Variants in SV2C observed in about 807,000 individuals in gnomAD.
SV2C encodes the protein solute carrier family 22 member B3.
A neutral mutation model predicts 79.7 loss-of-function variants in SV2C; 49 were observed. The ratio of observed to expected loss-of-function variants is 0.61; its 90% CI spans 0.49 to 0.78. The LOEUF (loss-of-function observed/expected upper bound fraction) is 0.78, where lower values mean the gene tolerates loss of function less well. SV2C is among the 30% of genes least tolerant of loss of function. SV2C has a pLI of 0.00. For synonymous variants in SV2C, 334 were observed against 333.2 expected, an observed-to-expected ratio of 1.00 and a Z score of -0.03; for missense variants, 833 against 912.9, an observed-to-expected ratio of 0.91 and a Z score of 1.13.
At chr5:76,317,602 G>A (rs1748671246) in intron 12 of SV2C, among the ~76,000 whole-genome samples, 1 of 152,134 alleles carries the variant, frequency 6.6e-6, no homozygotes, top group Non-Finnish European at 1.5e-5. Context: ...GGCCGAGGTG[G>A]GAGAATCACT....
At chr5:76,260,014 G>T (rs1746410876) in intron 4 of SV2C, among the ~76,000 whole-genome samples, 2 of 152,220 alleles carry the variant, frequency 1.3e-5, no homozygotes, top group East Asian at 3.9e-4. Context: ...TTCTTGGGAA[G>T]TTGCCACACT....
chr5:76,067,277 G>T, the SV2C span, among the ~76,000 whole-genome samples: 1 of 150,904 alleles, frequency 6.6e-6, no homozygotes, highest in South Asian at 2.1e-4. Context: ...TTTGTGTTTT[G>T]TGTGGTAAGA....
chr5:76,021,235 G>C, the SV2C span, among the ~76,000 whole-genome samples: 1 of 152,148 alleles, frequency 6.6e-6, no homozygotes, highest in East Asian at 1.9e-4. Context: ...AATAATGCAA[G>C]TTATGTTAAC....
intron 4 of SV2C, among the ~76,000 whole-genome samples, chr5:76,218,299 T>C (rs1260507479): frequency 2.0e-5 from 3 of 152,170 alleles, no homozygotes; most frequent in African/African-American, 4.8e-5. Flanking sequence ...TAAAGACACA[T>C]GCACATGTAT....
the SV2C span, among the ~76,000 whole-genome samples, chr5:76,070,118 C>T: frequency 6.6e-6 from 1 of 152,118 alleles, no homozygotes; most frequent in African/African-American, 2.4e-5. Context: ...TCCAGGGCCC[C>T]AGCCCACACC....
the SV2C span, among the ~76,000 whole-genome samples, chr5:75,942,122 A>G: frequency 1.7e-4 from 26 of 152,326 alleles, 1 homozygote; most frequent in Middle Eastern, 0.01. Context: ...CAGGAGGGTG[A>G]ACAAGAACTT....
At chr5:76,037,562 G>T in the SV2C span, among the ~76,000 whole-genome samples, 1 of 152,182 alleles carries the variant, frequency 6.6e-6, no homozygotes, top group East Asian at 1.9e-4. Flanking sequence ...CTGCTCGGGG[G>T]TCAGGGGTCG....
At chr5:75,980,798 G>A in the SV2C span, among the ~76,000 whole-genome samples, 2 of 152,114 alleles carry the variant, frequency 1.3e-5, no homozygotes, top group Middle Eastern at 3.4e-3. Flanking sequence ...CTTGAAAACC[G>A]GCACAAGGAA....
intron 6 of SV2C, among the ~76,000 whole-genome samples, 160 bp from the exon 7 acceptor site, chr5:76,291,061 T>C (rs750637983): frequency 1.4e-4 from 22 of 152,202 alleles, no homozygotes; most frequent in African/African-American, 5.3e-4. Flanking sequence ...TTTGGATCCA[T>C]ATACTTATGG....
chr5:76,218,554 A>G (rs534002741), intron 4 of SV2C, among the ~76,000 whole-genome samples: 67 of 152,298 alleles, frequency 4.4e-4, no homozygotes, highest in African/African-American at 1.5e-3. Flanking sequence ...GAGTTGAACA[A>G]TGAGAACACA....
the SV2C span, among the ~76,000 whole-genome samples, chr5:75,971,331 C>T: frequency 5.3e-5 from 8 of 151,890 alleles, no homozygotes; most frequent in Non-Finnish European, 1.2e-4. Flanking sequence ...CCAGGGCAAT[C>T]AGGCAGGAGA....
the SV2C span, among the ~76,000 whole-genome samples, chr5:76,055,911 G>T: frequency 0.018 from 2,695 of 152,182 alleles, 41 homozygotes; most frequent in South Asian, 0.049. Flanking sequence ...AGACAATGGG[G>T]TTTTTTAAAT....
intron 12 of SV2C, among the ~76,000 whole-genome samples, chr5:76,313,292 T>G (rs1023747760): frequency 6.6e-6 from 1 of 152,206 alleles, no homozygotes; most frequent in African/African-American, 2.4e-5. Context: ...AACCAACCTA[T>G]GTAATCCACT....
At chr5:75,861,992 AAG>A in the SV2C span, among the ~76,000 whole-genome samples, 3 of 152,204 alleles carry the variant, frequency 2.0e-5, no homozygotes, top group African/African-American at 7.2e-5. Flanking sequence ...TAATTTTAAA[AAG>A]AGAGTGGGAT....
At chr5:75,966,990 A>T in the SV2C span, among the ~76,000 whole-genome samples, 16 of 152,156 alleles carry the variant, frequency 1.1e-4, no homozygotes, top group African/African-American at 2.4e-5. Context: ...ATTGTTGAGC[A>T]TTGCATTAAT....
the SV2C span, among the ~76,000 whole-genome samples, chr5:75,997,463 G>T: frequency 1.3e-5 from 2 of 151,990 alleles, no homozygotes; most frequent in African/African-American, 4.8e-5. Context: ...CTAATATCCA[G>T]AATCTACAAT....
At chr5:76,274,321 T>C (rs991475885) in intron 4 of SV2C, among the ~76,000 whole-genome samples, 1 of 152,164 alleles carries the variant, frequency 6.6e-6, no homozygotes, top group Non-Finnish European at 1.5e-5. Flanking sequence ...AATGGAGGAC[T>C]ATAATTTTTT....
At chr5:75,924,705 C>T in the SV2C span, among the ~76,000 whole-genome samples, 1 of 152,028 alleles carries the variant, frequency 6.6e-6, no homozygotes, top group Non-Finnish European at 1.5e-5. Context: ...GATGCTACCC[C>T]AATTGACTGT....
chr5:76,185,924 G>A (rs1281021280), intron 2 of SV2C, among the ~76,000 whole-genome samples: 3 of 152,206 alleles, frequency 2.0e-5, no homozygotes, highest in Admixed American at 6.5e-5. Flanking sequence ...CAGGCTGCAA[G>A]TTTTTCAAAC....
Sources: allele counts gnomAD v4.1 joint callset (sites outside exome capture counted in the v4.1 genomes callset), GRCh38; gene constraint gnomAD v4.1.1; transcripts MANE v1.5; gene names NCBI Gene and HGNC (gene_info 2026-07-23, HGNC 2026-07-21).